The following PIBF1 variants were observed in gnomAD, a reference collection of about 807,000 sequenced individuals.
PIBF1 encodes progesterone-induced-blocking factor 1.
A neutral mutation model predicts 112.5 loss-of-function variants in PIBF1; 90 were observed. The ratio of observed to expected loss-of-function variants is 0.80; its 90% CI spans 0.67 to 0.95. PIBF1 has a LOEUF of 0.95. Ranked by LOEUF, PIBF1 falls within the 40% of genes least tolerant of loss-of-function variation. The probability of loss-of-function intolerance (pLI) is 0.00; values close to 1 mark genes in which losing one functional copy is unlikely to be tolerated. For missense variants in PIBF1, 915 were observed against 852.3 expected, an observed-to-expected ratio of 1.07 and a Z score of -0.92; for synonymous variants, 301 against 288.6, an observed-to-expected ratio of 1.04 and a Z score of -0.44.
chr13:73,009,600 G>T (rs971495874), intron 17 of PIBF1, among the ~76,000 whole-genome samples: 4 of 152,220 alleles, frequency 2.6e-5, no homozygotes, highest in South Asian at 2.1e-4. Flanking sequence ...TCCTAAAGGG[G>T]CCAGTCTTCT....
At chr13:72,834,432 C>G (rs1186429392) in intron 8 of PIBF1, among the ~76,000 whole-genome samples, 3 of 152,040 alleles carry the variant, frequency 2.0e-5, no homozygotes, top group Admixed American at 6.6e-5. Context: ...TGAGACCAGC[C>G]TGGGCAACAT....
chr13:72,786,247 T>A (rs1396611488), intron 2 of PIBF1, among the ~76,000 whole-genome samples: 1 of 152,196 alleles, frequency 6.6e-6, no homozygotes, highest in African/African-American at 2.4e-5. Context: ...TGTGGTTTTC[T>A]AGTTTGACTG....
At chr13:72,991,812 G>A (rs1475694690) in intron 16 of PIBF1, among the ~76,000 whole-genome samples, 7 of 151,712 alleles carry the variant, frequency 4.6e-5, no homozygotes, top group South Asian at 2.1e-4. Context: ...TCCACCTCCC[G>A]GATTCATGCC....
chr13:72,946,727 C>T (rs939250311), intron 14 of PIBF1, among the ~76,000 whole-genome samples: 7 of 152,200 alleles, frequency 4.6e-5, no homozygotes, highest in African/African-American at 1.7e-4. Context: ...GTCCAAAATC[C>T]AACAGGACAG....
chr13:72,873,675 G>A (rs1458181872), intron 10 of PIBF1, among the ~76,000 whole-genome samples: 1 of 152,024 alleles, frequency 6.6e-6, no homozygotes, highest in Non-Finnish European at 1.5e-5. Flanking sequence ...TTACAGGCAT[G>A]AGCCACCACA....
chr13:72,953,775 G>A (rs2042367194), intron 14 of PIBF1, among the ~76,000 whole-genome samples: 1 of 152,098 alleles, frequency 6.6e-6, no homozygotes, highest in Non-Finnish European at 1.5e-5. Context: ...GGCTGTGCCT[G>A]GCTACCAGCC....
At position 72,943,611 on chromosome 13, in the gene PIBF1, A is replaced by G. The variant is rs557542297; in HGVS notation, c.1833+12344A>G. On this transcript the variant is annotated intron_variant, in intron 14 of 17. Coordinates refer to ENST00000326291, the MANE Select transcript of PIBF1 (RefSeq NM_006346.4). ...TTCTTTAGCGTGGCATAGATGGCCAATTTGATTCTAATCTACTTCTCATCC... is the reference window on the plus strand; with the variant it reads ...TTCTTTAGCGTGGCATAGATGGCCAGTTTGATTCTAATCTACTTCTCATCC... Among the ~76,000 whole-genome samples the G allele has an allele frequency of 5.1e-4, 77 of 152,298 alleles. 1 individual carries two copies. The highest frequency in any genetic ancestry group is 1.4e-3 in the African/African-American group (57 of 41,572).
chr13:72,806,690 A>G (rs2035752557), intron 5 of PIBF1, among the ~76,000 whole-genome samples: 1 of 152,190 alleles, frequency 6.6e-6, no homozygotes, highest in Non-Finnish European at 1.5e-5. Context: ...TGTCCCTGCA[A>G]AGGACATTAA....
At chr13:73,009,024 C>A (rs1458702130) in intron 17 of PIBF1, among the ~76,000 whole-genome samples, 2 of 152,230 alleles carry the variant, frequency 1.3e-5, no homozygotes, top group Non-Finnish European at 2.9e-5. Context: ...CCTATGAAGT[C>A]ATCAGGAACC....
intron 5 of PIBF1, among the ~76,000 whole-genome samples, chr13:72,800,118 C>T (rs1169721911): frequency 6.6e-6 from 1 of 152,248 alleles, no homozygotes; most frequent in Non-Finnish European, 1.5e-5. Context: ...TCATTGCAAC[C>T]TCCACCTCCT....
chr13:72,984,488 A>G (rs1226005510), intron 16 of PIBF1, among the ~76,000 whole-genome samples: 1 of 152,176 alleles, frequency 6.6e-6, no homozygotes, highest in East Asian at 1.9e-4. Context: ...TGTGTTTAAT[A>G]TTGATATATT....
intron 1 of PIBF1, 67 bp from the exon 2 acceptor site, chr13:72,783,356 T>C (rs1593866609): frequency 1.4e-6 from 1 of 738,974 alleles, no homozygotes; most frequent in Non-Finnish European, 2.2e-6. Flanking sequence ...AGTCTCTCTT[T>C]AATACAGTCC....
At chr13:72,970,350 T>G (rs567268022) in intron 15 of PIBF1, among the ~76,000 whole-genome samples, 57 of 152,308 alleles carry the variant, frequency 3.7e-4, no homozygotes, top group African/African-American at 1.3e-3. Context: ...TGTAATACAG[T>G]TTGATCTCTA....
chr13:72,935,284 T>G (rs2041836182), intron 14 of PIBF1, among the ~76,000 whole-genome samples: 1 of 152,206 alleles, frequency 6.6e-6, no homozygotes, highest in Admixed American at 6.5e-5. Context: ...CTAGCTTGTA[T>G]TTCCTAGACT....
At position 72,827,863 on chromosome 13, in the gene PIBF1, A is replaced by G. The variant is rs894283408; in HGVS notation, c.1046A>G (p.Glu349Gly). 3 of 1,592,406 alleles carry G rather than the reference A, an allele frequency of 1.9e-6. No homozygotes were observed. The highest frequency in any genetic ancestry group is 2.6e-6 in the Non-Finnish European group (3 of 1,169,264). ...DRLERLQAQL[E>G]ESKKAREEMY... is the part of the protein sequence containing the mutation. Reference sequence around the variant, plus strand: ...CTTGAAAGACTTCAAGCTCAACTGGAAGAAAGCAAAAAGGCTAGAGAAGAG... The same window carrying G: ...CTTGAAAGACTTCAAGCTCAACTGGGAGAAAGCAAAAAGGCTAGAGAAGAG... Residue 349 changes from glutamate to glycine, a missense_variant, in exon 8 of 18, where the codon GAA (glutamate) becomes GGA (glycine). Transcript: ENST00000326291.
At chr13:72,903,821 C>G (rs55667605) in intron 11 of PIBF1, among the ~76,000 whole-genome samples, 15,593 of 152,126 alleles carry the variant, frequency 0.1, 1,083 homozygotes, top group Non-Finnish European at 0.15. Context: ...GGCCTGTGGG[C>G]TTTAGGCTCA....
chr13:72,821,931 A>G lies in PIBF1; in HGVS notation c.755A>G (p.Gln252Arg), dbSNP rs781237954. 3.1e-6 allele frequency: 5 copies of G among 1,612,874 alleles called. No homozygotes were observed. Among genetic ancestry groups the G allele is most frequent in the East Asian group, 2.2e-5 (1 of 44,744 alleles). ...RLALELADTK[Q>R]LIQQGDYRQE... ...GCCTTAGAATTAGCAGACACAAAAC[A>G]GTTAATTCAGCAAGGTGACTACCGT... is the stretch of plus-strand genomic sequence containing the variant. The change falls in exon 6 of 18, where the codon CAG (glutamine) becomes CGG (arginine). Residue 252 changes from glutamine to arginine, a missense_variant. Gln to Arg is a conservative substitution (Grantham distance 43, BLOSUM62 1). Transcript: ENST00000326291.
At chr13:72,811,824 C>T (rs1274454090) in intron 5 of PIBF1, among the ~76,000 whole-genome samples, 1 of 151,940 alleles carries the variant, frequency 6.6e-6, no homozygotes, top group African/African-American at 2.4e-5. Flanking sequence ...ATACAAATGG[C>T]TTACGATAAA....
At chr13:72,832,199 A>G (rs958657034) in intron 8 of PIBF1, among the ~76,000 whole-genome samples, 1 of 148,950 alleles carries the variant, frequency 6.7e-6, no homozygotes, top group African/African-American at 2.5e-5. Flanking sequence ...CAGCACACTC[A>G]TGGGTCTTGA....
Sources: allele counts gnomAD v4.1 joint callset (sites outside exome capture counted in the v4.1 genomes callset), GRCh38; gene constraint gnomAD v4.1.1; transcripts MANE v1.5; gene names NCBI Gene and HGNC (gene_info 2026-07-23, HGNC 2026-07-21).